Variants in PLA2G4E observed in about 807,000 individuals in gnomAD.
The protein encoded by PLA2G4E is cytosolic phospholipase A2 epsilon.
In PLA2G4E, 84 loss-of-function variants were observed where a neutral mutation model predicts 109.1. The observed-to-expected ratio is 0.77, with a 90% CI of 0.65 to 0.92. The LOEUF (loss-of-function observed/expected upper bound fraction) is 0.92, where lower values mean the gene tolerates loss of function less well. Among genes scored for constraint, PLA2G4E ranks in the 40% least tolerant of loss-of-function variants. The pLI, the probability that PLA2G4E is intolerant of heterozygous loss-of-function variation, is 0.00. For missense variants in PLA2G4E, 1,057 were observed against 1,076.6 expected (o/e 0.98, Z 0.25); for synonymous variants, 469 against 436.1 (o/e 1.08, Z -0.94).
intron 1 of PLA2G4E, among the ~76,000 whole-genome samples, chr15:42,014,280 G>A (rs1468616204): frequency 6.6e-6 from 1 of 152,184 alleles, no homozygotes; most frequent in African/African-American, 2.4e-5. Flanking sequence ...CTGGGACCCT[G>A]ACTGGTTTTT....
At chr15:41,998,374 A>T (rs554668922) in intron 10 of PLA2G4E, 2 of 152,272 alleles carry the variant, frequency 1.3e-5, no homozygotes, top group East Asian at 3.9e-4. Flanking sequence ...TGAGCATCCC[A>T]CTTGCCAGAT....
At chr15:41,988,143 G>A in exon 16 of PLA2G4E, 1 of 1,598,420 alleles carries the variant, frequency 6.3e-7, no homozygotes, top group Non-Finnish European at 8.5e-7. Context: ...GGGAGAAGAT[G>A]CTGCTCCACA....
At chr15:42,001,362 G>A (rs2068417806) in intron 6 of PLA2G4E, 142 bp from the exon 7 acceptor site, 1 of 766,850 alleles carries the variant, frequency 1.3e-6, no homozygotes, top group Admixed American at 2.4e-5. Context: ...AGAATGTGTT[G>A]ACCACATTTT....
chr15:42,043,114 G>C (rs893255663), intron 1 of PLA2G4E, among the ~76,000 whole-genome samples: 3 of 152,134 alleles, frequency 2.0e-5, no homozygotes, highest in Admixed American at 6.5e-5. Context: ...GGGCAAGCGG[G>C]GGTGGCTCTG....
At chr15:42,023,792 C>T (rs189995788) in intron 1 of PLA2G4E, among the ~76,000 whole-genome samples, 3 of 152,276 alleles carry the variant, frequency 2.0e-5, no homozygotes, top group Admixed American at 6.5e-5. Flanking sequence ...CACTCCAACT[C>T]GTATGTTTCC....
intron 1 of PLA2G4E, among the ~76,000 whole-genome samples, chr15:42,049,960 C>T (rs1298092345): frequency 6.6e-6 from 1 of 152,160 alleles, no homozygotes; most frequent in East Asian, 1.9e-4. Flanking sequence ...ATGGGAATTG[C>T]GTATTTGCTC....
intron 1 of PLA2G4E, among the ~76,000 whole-genome samples, chr15:42,024,880 T>A (rs2068679569): frequency 2.0e-5 from 3 of 151,866 alleles, no homozygotes; most frequent in Admixed American, 1.3e-4. Context: ...ATAAAGGAAG[T>A]ATGTGAAATC....
chr15:42,007,639 A>G (rs2068489746), intron 3 of PLA2G4E, 90 bp downstream of exon 3: 1 of 1,453,862 alleles, frequency 6.9e-7, no homozygotes, highest in Admixed American at 2.0e-5. Flanking sequence ...ACAAAGAGGC[A>G]TAAGAACACA....
At chr15:42,010,721 C>T (rs2068527720) in intron 2 of PLA2G4E, among the ~76,000 whole-genome samples, 1 of 152,166 alleles carries the variant, frequency 6.6e-6, no homozygotes, top group African/African-American at 2.4e-5. Flanking sequence ...TCTGATATCC[C>T]TTGGGGTGCT....
chr15:42,005,182 G>T (rs1256149624), intron 4 of PLA2G4E, among the ~76,000 whole-genome samples: 1 of 152,140 alleles, frequency 6.6e-6, no homozygotes, highest in African/African-American at 2.4e-5. Context: ...GACAGCCCAG[G>T]GGAGGTCAGG....
At chr15:42,004,458 A>G (rs1237850268) in intron 5 of PLA2G4E, among the ~76,000 whole-genome samples, 1 of 152,174 alleles carries the variant, frequency 6.6e-6, no homozygotes, top group East Asian at 1.9e-4. Flanking sequence ...AGAACCCTGC[A>G]AGGTGGGCCT....
chr15:42,040,375 AT>A (rs1379098284), intron 1 of PLA2G4E, among the ~76,000 whole-genome samples: 1 of 152,214 alleles, frequency 6.6e-6, no homozygotes, highest in African/African-American at 2.4e-5. Flanking sequence ...TCTGAAAAAA[AT>A]AATCATTTTG....
At chr15:42,000,056 C>A (rs376569244) in intron 8 of PLA2G4E, 48 bp downstream of exon 8, 3 of 1,573,628 alleles carry the variant, frequency 1.9e-6, no homozygotes, top group Non-Finnish European at 2.6e-6. Context: ...TGGCACCCCC[C>A]ACCTGTCCCA....
exon 4 of PLA2G4E, chr15:42,006,091 C>G: frequency 6.2e-7 from 1 of 1,613,936 alleles, no homozygotes. Flanking sequence ...GTCACTGTGT[C>G]TTCATCACAG....
intron 2 of PLA2G4E, chr15:42,009,696 A>G (rs114577478): frequency 0.013 from 2,005 of 158,942 alleles, 58 homozygotes; most frequent in African/African-American, 0.046. Flanking sequence ...ATACGCATTC[A>G]CTCAAACTTA....
intron 1 of PLA2G4E, among the ~76,000 whole-genome samples, chr15:42,041,401 G>A (rs1042935006): frequency 9.2e-5 from 14 of 152,164 alleles, no homozygotes; most frequent in Middle Eastern, 3.2e-3. Flanking sequence ...GCATCTAGGC[G>A]TTGGATACTG....
chr15:42,044,531 A>G (rs1362844963), intron 1 of PLA2G4E, among the ~76,000 whole-genome samples: 3 of 151,532 alleles, frequency 2.0e-5, no homozygotes, highest in African/African-American at 7.3e-5. Context: ...GTATTAAGCA[A>G]GGACAAAAAA....
intron 2 of PLA2G4E, chr15:42,010,132 G>GCCA (rs1555386987): frequency 2.6e-5 from 11 of 428,666 alleles, no homozygotes; most frequent in South Asian, 1.8e-4. Context: ...CAGAACACTG[G>GCCA]CCCCCCCACC....
At chr15:42,028,391 A>ATTTATTTATTTC (rs1555388335) in intron 1 of PLA2G4E, among the ~76,000 whole-genome samples, 9 of 26,404 alleles carry the variant, frequency 3.4e-4, no homozygotes, top group East Asian at 2.1e-3. Context: ...TTACTTATTT[A>ATTTATTTATTTC]TTTATTTATT....
Sources: allele counts gnomAD v4.1 joint callset (sites outside exome capture counted in the v4.1 genomes callset), GRCh38; gene constraint gnomAD v4.1.1; transcripts MANE v1.5; gene names NCBI Gene and HGNC (gene_info 2026-07-23, HGNC 2026-07-21).